The following VDAC2 variants were observed in gnomAD, a reference collection of about 807,000 sequenced individuals.
VDAC2 encodes the protein non-selective voltage-gated ion channel VDAC2.
VDAC2 carries 6 observed loss-of-function variants against 36.6 expected under a neutral mutation model. The ratio of observed to expected loss-of-function variants is 0.16; its 90% CI spans 0.09 to 0.32. The LOEUF (loss-of-function observed/expected upper bound fraction) is 0.32, where lower values mean the gene tolerates loss of function less well. VDAC2 is among the 10% of genes least tolerant of loss of function. VDAC2 has a pLI of 1.00. For missense variants in VDAC2, 247 were observed against 346.0 expected (o/e 0.71, Z 2.27); for synonymous variants, 109 against 123.8 (o/e 0.88, Z 0.79).
intron 7 of VDAC2, among the ~76,000 whole-genome samples, chr10:75,221,755 T>G (rs1359411070): frequency 1.3e-5 from 2 of 152,234 alleles, no homozygotes; most frequent in Admixed American, 6.5e-5. Context: ...ATTATAGGCG[T>G]GAGCCACTGC....
rs546457179 is a variant in VDAC2, at chr10:75,211,565, G to A, written c.31+376G>A. The A allele has an allele frequency of 2.3e-5, 36 of 1,550,632 alleles. 1 individual carries two copies. The South Asian group carries it at 4.0e-4, about 17-fold the overall frequency. On this transcript the variant is annotated intron_variant, in intron 2 of 9. Coordinates refer to ENST00000332211, the MANE Select transcript of VDAC2 (RefSeq NM_001391963.1). ...CATTACTTGTGCTCCTAAGGGCGTG[G>A]ACGTGCTTTGTGGAATGAATGAGCT...
At chr10:75,228,274 CT>C (rs59508378) in intron 8 of VDAC2, among the ~76,000 whole-genome samples, 358 of 132,608 alleles carry the variant, frequency 2.7e-3, no homozygotes, top group African/African-American at 6.3e-3. Flanking sequence ...ATTTTTCTTT[CT>C]TTTTTTTTTT....
At chr10:75,228,748 CTGTT>C (rs930517495) in intron 8 of VDAC2, among the ~76,000 whole-genome samples, 3 of 152,180 alleles carry the variant, frequency 2.0e-5, no homozygotes, top group Non-Finnish European at 2.9e-5. Flanking sequence ...GTCACATAGT[CTGTT>C]TGTTACCTTT....
upstream of VDAC2, among the ~76,000 whole-genome samples, chr10:75,210,469 C>T (rs1841366294): frequency 6.6e-6 from 1 of 152,198 alleles, no homozygotes; most frequent in African/African-American, 2.4e-5. Context: ...GCCCTATCGC[C>T]CCGGCCACGC....
At chr10:75,230,633 C>T (rs1024773457) in intron 9 of VDAC2, among the ~76,000 whole-genome samples, 2 of 152,196 alleles carry the variant, frequency 1.3e-5, no homozygotes, top group African/African-American at 4.8e-5. Flanking sequence ...ATAGTATACT[C>T]AACATTATAG....
chr10:75,219,275 G>A lies in VDAC2; in HGVS notation c.304-29G>A, dbSNP rs560977675. ...AATTTATTTTTGTATTTCAAAAAAA[G>A]AAAACAAATTACTTTTCTTTCAAAA... On this transcript the variant is annotated intron_variant, in intron 5 of 9. Transcript: ENST00000332211. 224 of 1,569,812 alleles carry A rather than the reference G, an allele frequency of 1.4e-4. 3 individuals are homozygous for A. In the South Asian group the frequency reaches 2.3e-3, roughly 16 times the overall value.
chr10:75,216,104 G>A (rs1317830053), intron 4 of VDAC2, among the ~76,000 whole-genome samples: 4 of 152,208 alleles, frequency 2.6e-5, no homozygotes, highest in Non-Finnish European at 1.5e-5. Flanking sequence ...TAGGTGTTTA[G>A]TTATGATTGG....
Position 75,227,898 on chromosome 10 carries a change from C to A in VDAC2, c.736-1746C>A, listed in dbSNP as rs934581493. Among the ~76,000 whole-genome samples the A allele has an allele frequency of 1.5e-4, 20 of 133,562 alleles. No individual in the cohort carries two copies. In the South Asian group the frequency reaches 1.9e-3, roughly 13 times the overall value. 87.6% of individuals were successfully genotyped at this position (133,562 alleles called of 152,430 possible). A position where few individuals can be genotyped will look rare whatever the true frequency, so the allele number is the denominator to read the frequency against. ...ATAATGGGAATTTCTTTCTTTCTTT[C>A]TTTTTTTTTTTTTTGAGGCGGAGTC... On this transcript the variant is annotated intron_variant, in intron 8 of 9. Transcript: ENST00000332211.
intron 7 of VDAC2, 144 bp downstream of exon 7, chr10:75,221,114 C>T: frequency 2.4e-6 from 2 of 848,874 alleles, no homozygotes; most frequent in Non-Finnish European, 1.8e-6. Flanking sequence ...TCTAGGGTGC[C>T]CCTTGAAAGT....
upstream of VDAC2, chr10:75,210,780 C>CG (rs1193742581): frequency 5.4e-6 from 1 of 185,740 alleles, no homozygotes; most frequent in Non-Finnish European, 1.1e-5. Flanking sequence ...GGGGCAGCGG[C>CG]GGGGTCCTGT....
chr10:75,214,561 G>C (rs1217374479), intron 4 of VDAC2, among the ~76,000 whole-genome samples: 1 of 151,864 alleles, frequency 6.6e-6, no homozygotes, highest in Non-Finnish European at 1.5e-5. Context: ...GTCTCACTGT[G>C]TCACTTAGAC....
intron 3 of VDAC2, among the ~76,000 whole-genome samples, chr10:75,212,902 A>G (rs138681986): frequency 6.6e-6 from 1 of 152,064 alleles, no homozygotes; most frequent in African/African-American, 2.4e-5. Flanking sequence ...GTTACGATAT[A>G]TTACTGTTTT....
At chr10:75,211,056 G>T in intron 1 of VDAC2, 78 bp from the exon 2 acceptor site, 2 of 1,352,834 alleles carry the variant, frequency 1.5e-6, no homozygotes, top group South Asian at 2.9e-5. Flanking sequence ...CTGCCCCGCG[G>T]CCCCTCGCCC....
intron 4 of VDAC2, among the ~76,000 whole-genome samples, chr10:75,216,503 T>C (rs950659552): frequency 6.6e-6 from 1 of 152,222 alleles, no homozygotes; most frequent in African/African-American, 2.4e-5. Context: ...ATTGATCCTA[T>C]AGTATGTCTC....
chr10:75,227,577 A>ATTTTTTTTTTTTTTTT lies in VDAC2; in HGVS notation c.736-2061_736-2046dup, dbSNP rs35378957. Among the ~76,000 whole-genome samples the ATTTTTTTTTTTTTTTT allele has an allele frequency of 5.1e-4, 51 of 99,928 alleles. 2 individuals are homozygous for ATTTTTTTTTTTTTTTT. Among genetic ancestry groups the ATTTTTTTTTTTTTTTT allele is most frequent in the African/African-American group, 2.0e-3 (45 of 22,234 alleles). 65.6% of individuals were successfully genotyped at this position (99,928 alleles called of 152,430 possible). A position where few individuals can be genotyped will look rare whatever the true frequency, so the allele number is the denominator to read the frequency against. Reference sequence around the variant, plus strand: ...TAACTCTTACTGTTAAATAATAGGAATTTTTTTTTTTTTTTTTTTTTGGAG... The same window carrying ATTTTTTTTTTTTTTTT: ...TAACTCTTACTGTTAAATAATAGGAATTTTTTTTTTTTTTTTTTTTTTTTTTTTTTTTTTTTTGGAG... On this transcript the variant is annotated intron_variant, in intron 8 of 9. Transcript: ENST00000332211.
intron 3 of VDAC2, among the ~76,000 whole-genome samples, chr10:75,212,673 G>A (rs970364956): frequency 6.6e-6 from 1 of 152,166 alleles, no homozygotes; most frequent in Non-Finnish European, 1.5e-5. Context: ...TTACGTTACA[G>A]ACATGAGCCA....
intron 4 of VDAC2, among the ~76,000 whole-genome samples, chr10:75,215,286 T>G (rs968598877): frequency 1.3e-5 from 2 of 152,060 alleles, no homozygotes; most frequent in Non-Finnish European, 2.9e-5. Flanking sequence ...GGGGTGGGTG[T>G]GTGTGCACAT....
In VDAC2 at chr10:75,210,996, G is replaced by A; in HGVS notation, c.-26+58G>A. On this transcript the variant is annotated intron_variant, in intron 1 of 9. Coordinates refer to ENST00000332211, the MANE Select transcript of VDAC2 (RefSeq NM_001391963.1). The stretch of plus-strand genomic sequence containing the variant: ...GGCCTAGGCCGCGGCGGCCAAGCCG[G>A]AGGCCCGCGCCGGACTCGGAGTCGG... The A allele has an allele frequency of 6.4e-6, 5 of 783,334 alleles. No individual in the cohort carries two copies. The Admixed American group carries it at 1.5e-4, about 24-fold the overall frequency. The allele number at this position is 783,334 out of a possible 1,614,324, so 48.5% of individuals were successfully genotyped here. A position where few individuals can be genotyped will look rare whatever the true frequency, so the allele number is the denominator to read the frequency against.
rs1841713987 is a variant in VDAC2, at chr10:75,219,125, C to G, written c.213C>G (p.Thr71=). The change falls in exon 5 of 10, where the codon ACC becomes ACG. Residue 71 remains threonine, a synonymous_variant. Transcript: ENST00000332211. ...GTAAAGTTACTGGGACCTTGGAGAC[C>G]AAATACAAGTGGTGTGAGTATGGTC... ...DTGKVTGTLE[T]KYKWCEYGLT... 6.2e-7 allele frequency: 1 copy of G among 1,613,030 alleles called. No individual in the cohort carries two copies. The highest frequency in any genetic ancestry group is 8.5e-7 in the Non-Finnish European group (1 of 1,179,730).
Sources: allele counts gnomAD v4.1 joint callset (sites outside exome capture counted in the v4.1 genomes callset), GRCh38; gene constraint gnomAD v4.1.1; transcripts MANE v1.5; gene names NCBI Gene and HGNC (gene_info 2026-07-23, HGNC 2026-07-21).